Variants in GSE1 observed in about 807,000 individuals in gnomAD.
The protein encoded by GSE1 is Gse1 coiled-coil protein.
A neutral mutation model predicts 112.6 loss-of-function variants in GSE1; 32 were observed. That is an observed-to-expected ratio of 0.28 (90% CI 0.21 to 0.38). The LOEUF (loss-of-function observed/expected upper bound fraction) is 0.38, where lower values mean the gene tolerates loss of function less well. GSE1 is among the 10% of genes least tolerant of loss of function. The probability of loss-of-function intolerance (pLI) is 1.00; values close to 1 mark genes in which losing one functional copy is unlikely to be tolerated. For missense variants in GSE1, 2,348 were observed against 1,699.2 expected (o/e 1.38, Z -6.71); for synonymous variants, 1,115 against 735.6 (o/e 1.52, Z -8.35).
chr16:85,239,771 T>C (rs954675915), intron 1 of GSE1, among the ~76,000 whole-genome samples: 4 of 152,202 alleles, frequency 2.6e-5, no homozygotes, highest in Non-Finnish European at 5.9e-5. Context: ...TGCCATATTG[T>C]CATGATTCAA....
intron 2 of GSE1, among the ~76,000 whole-genome samples, chr16:85,380,106 A>G (rs1375671597): frequency 6.6e-6 from 1 of 152,166 alleles, no homozygotes; most frequent in Non-Finnish European, 1.5e-5. Flanking sequence ...TCTAATTTGA[A>G]CTTGGACATT....
chr16:85,362,671 C>G (rs2047106290), intron 2 of GSE1, among the ~76,000 whole-genome samples: 1 of 152,174 alleles, frequency 6.6e-6, no homozygotes, highest in Non-Finnish European at 1.5e-5. Flanking sequence ...CTGCACAACT[C>G]CCGGAGGCAC....
chr16:85,301,242 T>C (rs1275389135), intron 1 of GSE1, among the ~76,000 whole-genome samples: 1 of 152,194 alleles, frequency 6.6e-6, no homozygotes, highest in Non-Finnish European at 1.5e-5. Context: ...TTATGAGCCT[T>C]TTGGGCCCAG....
rs1050499040 is a variant in GSE1 at position 85,673,932 on chromosome 16, G to A, written c.*1393G>A. ...AAGCTTTGTAAAAGCCACAAGGTCT[G>A]AGCTGAACCCCTCCTTTTTGAACTT... On this transcript the variant is annotated 3_prime_UTR_variant, in exon 16 of 16. Coordinates refer to ENST00000253458, the MANE Select transcript of GSE1 (RefSeq NM_014615.5). 7 of 152,230 alleles carry A rather than the reference G, an allele frequency of 4.6e-5. No individual in the cohort carries two copies. Among genetic ancestry groups the A allele is most frequent in the Non-Finnish European group, 8.8e-5 (6 of 68,060 alleles). The allele number at this position is 152,230 out of a possible 1,614,324, so 9.4% of individuals were successfully genotyped here.
At position 85,635,501 on chromosome 16, in the gene GSE1, C is replaced by T. The variant is rs947475376; in HGVS notation, c.226+1369C>T. On this transcript the variant is annotated intron_variant, in intron 2 of 15. Transcript: ENST00000253458. ...AGACTGCCTGCCTGGTGGAGGCATCCTGGACTCTCTGGGGCGGTGAACAAG... is the reference window on the plus strand; with the variant it reads ...AGACTGCCTGCCTGGTGGAGGCATCTTGGACTCTCTGGGGCGGTGAACAAG... Among the ~76,000 whole-genome samples, 123 of 136,484 alleles carry T rather than the reference C, an allele frequency of 9.0e-4. 1 individual carries two copies. The highest frequency in any genetic ancestry group is 3.3e-3 in the African/African-American group (122 of 36,814). 89.5% of individuals were successfully genotyped at this position (136,484 alleles called of 152,430 possible). A position where few individuals can be genotyped will look rare whatever the true frequency, so the allele number is the denominator to read the frequency against.
chr16:85,648,979 C>A (rs989829942), intron 3 of GSE1, among the ~76,000 whole-genome samples: 2 of 152,046 alleles, frequency 1.3e-5, no homozygotes, highest in African/African-American at 4.8e-5. Flanking sequence ...TCAGAAGAAA[C>A]CACCCGCTGG....
At chr16:85,292,756 G>C (rs1391842888) in intron 1 of GSE1, among the ~76,000 whole-genome samples, 3 of 152,128 alleles carry the variant, frequency 2.0e-5, no homozygotes, top group Non-Finnish European at 4.4e-5. Flanking sequence ...CACTGCGCCC[G>C]GCCAGAATGA....
At chr16:85,214,314 A>G (rs2075274661) in intron 1 of GSE1, among the ~76,000 whole-genome samples, 1 of 152,176 alleles carries the variant, frequency 6.6e-6, no homozygotes. Flanking sequence ...GTCTTTGCCC[A>G]TGCATGAAGT....
intron 2 of GSE1, among the ~76,000 whole-genome samples, chr16:85,514,434 CCCA>C (rs200398837): frequency 0.1 from 11,634 of 114,042 alleles, 1,682 homozygotes; most frequent in African/African-American, 0.26. Flanking sequence ...AGTCCCCCCC[CCCA>C]CCCCAGGGCA....
At chr16:85,425,976 A>G (rs771613123) in intron 2 of GSE1, among the ~76,000 whole-genome samples, 1 of 152,170 alleles carries the variant, frequency 6.6e-6, no homozygotes, top group Admixed American at 6.5e-5. Context: ...TTAGACAGTC[A>G]TGCTCTGGAA....
chr16:85,378,599 T>C (rs9319463), intron 2 of GSE1, among the ~76,000 whole-genome samples: 145,108 of 152,272 alleles, frequency 0.95, 69,556 homozygotes, highest in East Asian at 1. Context: ...GCGCCCTTCG[T>C]GCTGATTGAT....
intron 1 of GSE1, among the ~76,000 whole-genome samples, chr16:85,261,055 C>G (rs935438085): frequency 1.3e-5 from 2 of 152,222 alleles, no homozygotes; most frequent in Admixed American, 6.5e-5. Context: ...TGGCCTCTCT[C>G]GGGTGCTCTG....
At position 85,673,469 on chromosome 16, in the gene GSE1, TTTTTTGGGCAAAA is replaced by T. The variant is rs994171369; in HGVS notation, c.*931_*943del. On this transcript the variant is annotated 3_prime_UTR_variant, in exon 16 of 16. Coordinates refer to ENST00000253458, the MANE Select transcript of GSE1 (RefSeq NM_014615.5). ...GGGGGTTTTGTTTGTTGTTTTGGTT[TTTTTTGGGCAAAA>T]AAAAAAAAAAAACCTTGCTTTTAGT... 6.3e-5 allele frequency: 9 copies of T among 143,866 alleles called. No individual in the cohort carries two copies. Among genetic ancestry groups the T allele is most frequent in the African/African-American group, 2.3e-4 (9 of 39,314 alleles). 8.9% of individuals were successfully genotyped at this position (143,866 alleles called of 1,614,324 possible). A position where few individuals can be genotyped will look rare whatever the true frequency, so the allele number is the denominator to read the frequency against.
intron 1 of GSE1, among the ~76,000 whole-genome samples, chr16:85,229,489 C>G (rs1008153438): frequency 6.6e-6 from 1 of 152,266 alleles, no homozygotes; most frequent in Admixed American, 6.5e-5. Context: ...GTCTCTTGGA[C>G]ACTGTCTATG....
rs144302666 is a variant in GSE1, at chr16:85,222,744, T to C, written c.2283+50937T>C. On this transcript the variant is annotated intron_variant, in intron 1 of 2. Coordinates refer to the GSE1 transcript ENST00000637419. ...GACTGCCGGGAGGAGATGTTTCTCA[T>C]TGAAGATGCCCTCTCCGAGGGTGGG... Among the ~76,000 whole-genome samples the C allele has an allele frequency of 1.2e-4, 19 of 152,264 alleles. No individual in the cohort carries two copies. In the East Asian group the frequency reaches 3.5e-3, roughly 28 times the overall value.
intron 2 of GSE1, among the ~76,000 whole-genome samples, chr16:85,529,138 A>G (rs2052464937): frequency 1.3e-5 from 2 of 151,812 alleles, no homozygotes; most frequent in South Asian, 4.2e-4. Flanking sequence ...ACCGGGTTAG[A>G]CTTGGTCCAA....
intron 1 of GSE1, among the ~76,000 whole-genome samples, chr16:85,191,165 C>A (rs970061756): frequency 1.3e-5 from 2 of 151,950 alleles, no homozygotes; most frequent in Non-Finnish European, 2.9e-5. Context: ...GAGGCTGAGG[C>A]GGGAGAATTG....
Position 85,668,294 on chromosome 16 carries a change from G to A in GSE1, c.3285G>A (p.Gln1095=). 1.2e-6 allele frequency: 2 copies of A among 1,612,094 alleles called. No individual in the cohort carries two copies. Among genetic ancestry groups the A allele is most frequent in the Non-Finnish European group, 1.7e-6 (2 of 1,178,270 alleles). ...PPTARKGPPT[Q]ELDRDSEEEE... ...CTGCAAGGAAGGGCCCCCCAACCCA[G>A]GAGTTGGACCGGGACTCGGAGGAGG... Residue 1095 remains glutamine, a synonymous_variant, in exon 14 of 16, where the codon CAG becomes CAA. Coordinates refer to ENST00000253458, the MANE Select transcript of GSE1 (RefSeq NM_014615.5).
chr16:85,230,930 T>C (rs886110895), intron 1 of GSE1, among the ~76,000 whole-genome samples: 1 of 147,280 alleles, frequency 6.8e-6, no homozygotes. Flanking sequence ...GATGGATGAA[T>C]GAATGGATGG....
Sources: gnomAD v4.1 joint callset for allele counts (sites outside exome capture counted in the v4.1 genomes callset) on GRCh38, gnomAD v4.1.1 for gene constraint, MANE v1.5 for transcripts, NCBI Gene and HGNC (gene_info 2026-07-23, HGNC 2026-07-21) for gene names.